The following INSYN2B variants were observed in gnomAD, a reference collection of about 807,000 sequenced individuals.
INSYN2B encodes the protein protein INSYN2B.
In INSYN2B, 16 loss-of-function variants were observed where a neutral mutation model predicts 41.2. The observed-to-expected ratio is 0.39, with a 90% CI of 0.26 to 0.59. The LOEUF (loss-of-function observed/expected upper bound fraction) is 0.59. INSYN2B is among the 20% of genes least tolerant of loss of function. The probability of loss-of-function intolerance (pLI) is 0.57; values close to 1 mark genes in which losing one functional copy is unlikely to be tolerated. For missense variants in INSYN2B, 608 were observed against 646.4 expected, an observed-to-expected ratio of 0.94 and a Z score of 0.64; for synonymous variants, 245 against 244.4, an observed-to-expected ratio of 1.00 and a Z score of -0.02.
At chr5:169,959,035 G>A (rs970218777) in intron 1 of INSYN2B, among the ~76,000 whole-genome samples, 32 of 152,158 alleles carry the variant, frequency 2.1e-4, no homozygotes, top group African/African-American at 7.7e-4. Flanking sequence ...GGACTGGGCA[G>A]AAACAACATA....
intron 3 of INSYN2B, among the ~76,000 whole-genome samples, chr5:169,872,301 A>C (rs1772029355): frequency 6.6e-6 from 1 of 152,214 alleles, no homozygotes; most frequent in South Asian, 2.1e-4. Flanking sequence ...CATTTGGATA[A>C]ATCATGACAC....
At chr5:169,943,824 T>TGG (rs1428474486) in intron 1 of INSYN2B, among the ~76,000 whole-genome samples, 1 of 152,208 alleles carries the variant, frequency 6.6e-6, no homozygotes, top group Admixed American at 6.5e-5. Flanking sequence ...AAGGTGACTC[T>TGG]GACGCTCATT....
chr5:169,883,796 G>T lies in INSYN2B; in HGVS notation c.103C>A (p.Gln35Lys). 6.4e-7 allele frequency: 1 copy of T among 1,551,600 alleles called. No individual in the cohort carries two copies. Residue 35 changes from glutamine (Q) to lysine (K), a missense_variant, in exon 2 of 4, where the codon CAG (glutamine) becomes AAG (lysine). Gln to Lys is a moderately conservative substitution (Grantham distance 53). Coordinates refer to ENST00000377365, the MANE Select transcript of INSYN2B (RefSeq NM_001129891.3). ...KQPHHRRSKS[Q>K]QVRFKEDGTT... Reference sequence around the variant, plus strand: ...CCATCTTCCTTGAATCTCACCTGCTGGGATTTGCTCCTGCGGTGGTGAGGT... The same window carrying T: ...CCATCTTCCTTGAATCTCACCTGCTTGGATTTGCTCCTGCGGTGGTGAGGT...
At chr5:169,886,404 T>G (rs901629794) in intron 1 of INSYN2B, among the ~76,000 whole-genome samples, 1 of 152,196 alleles carries the variant, frequency 6.6e-6, no homozygotes, top group African/African-American at 2.4e-5. Context: ...TGTGTAGGAC[T>G]TTTAGGTCTG....
chr5:169,880,994 G>C (rs1772609452), intron 3 of INSYN2B, among the ~76,000 whole-genome samples: 1 of 152,180 alleles, frequency 6.6e-6, no homozygotes, highest in Admixed American at 6.5e-5. Flanking sequence ...TCACAGGTTT[G>C]GGATTTGAAA....
rs569670256 is a variant in INSYN2B at position 169,943,723 on chromosome 5, T to C, written c.-919+36554A>G. 8.5e-4 allele frequency among the ~76,000 whole-genome samples: 130 copies of C among 152,254 alleles called. 2 individuals are homozygous for C. Among genetic ancestry groups the C allele is most frequent in the Non-Finnish European group, 2.9e-4 (20 of 68,018 alleles). On this transcript the variant is annotated intron_variant, in intron 1 of 3. Transcript: ENST00000377365. Reference sequence around the variant, plus strand: ...GGAATCAGCATCACCTGGGAGCTTGTTAGAAATGCACATTCTCAGGCCCTT... The same window carrying C: ...GGAATCAGCATCACCTGGGAGCTTGCTAGAAATGCACATTCTCAGGCCCTT...
intron 2 of INSYN2B, among the ~76,000 whole-genome samples, chr5:169,882,089 G>T (rs1016690831): frequency 5.3e-5 from 8 of 152,164 alleles, no homozygotes; most frequent in African/African-American, 1.9e-4. Context: ...CATCAAAGTA[G>T]TCAGTACAGG....
intron 1 of INSYN2B, among the ~76,000 whole-genome samples, chr5:169,928,130 C>A (rs1775565098): frequency 6.6e-6 from 1 of 152,200 alleles, no homozygotes; most frequent in South Asian, 2.1e-4. Context: ...GCCTTCCCAG[C>A]CAAACCCTTC....
chr5:169,953,426 G>A (rs1776747582), intron 1 of INSYN2B, among the ~76,000 whole-genome samples: 1 of 151,890 alleles, frequency 6.6e-6, no homozygotes, highest in Non-Finnish European at 1.5e-5. Flanking sequence ...TGAGAGTTAT[G>A]TGACTGTGGG....
In INSYN2B at chr5:169,911,912, C is replaced by T. The variant is rs560705496; in HGVS notation, c.-918-27096G>A. ...ACTGTCATCTTCACTACCAGAGTCT[C>T]ATGGGGCTATTAAATATCTTTCTGT... On this transcript the variant is annotated intron_variant, in intron 1 of 3. Coordinates refer to ENST00000377365, the MANE Select transcript of INSYN2B (RefSeq NM_001129891.3). Among the ~76,000 whole-genome samples the T allele has an allele frequency of 1.2e-4, 19 of 152,334 alleles. No homozygotes were observed. In the South Asian group the frequency reaches 3.9e-3, roughly 32 times the overall value.
chr5:169,978,063 A>G (rs1350452556), intron 1 of INSYN2B, among the ~76,000 whole-genome samples: 2 of 151,650 alleles, frequency 1.3e-5, no homozygotes, highest in South Asian at 2.1e-4. Context: ...ACTTTCCTTC[A>G]TCTCCTCTCA....
intron 1 of INSYN2B, among the ~76,000 whole-genome samples, chr5:169,953,772 G>A (rs1393419566): frequency 6.6e-6 from 1 of 152,192 alleles, no homozygotes; most frequent in Non-Finnish European, 1.5e-5. Context: ...TTCTCCTCGG[G>A]AGACACCTGG....
chr5:169,891,550 G>A (rs1773283264), intron 1 of INSYN2B, among the ~76,000 whole-genome samples: 1 of 152,068 alleles, frequency 6.6e-6, no homozygotes, highest in African/African-American at 2.4e-5. Flanking sequence ...ACAGAATAAA[G>A]TGGAGTTGTT....
chr5:169,940,961 G>A (rs1776219609), intron 1 of INSYN2B, among the ~76,000 whole-genome samples: 1 of 152,282 alleles, frequency 6.6e-6, no homozygotes, highest in East Asian at 1.9e-4. Flanking sequence ...TAGTGCCATG[G>A]CTGAGAGACC....
chr5:169,973,480 C>G (rs1367633479), intron 1 of INSYN2B, among the ~76,000 whole-genome samples: 1 of 152,182 alleles, frequency 6.6e-6, no homozygotes. Context: ...TTCATCCTCA[C>G]TACAGTCCTA....
intron 3 of INSYN2B, among the ~76,000 whole-genome samples, chr5:169,874,480 G>A (rs1455732790): frequency 6.6e-6 from 1 of 151,852 alleles, no homozygotes; most frequent in Non-Finnish European, 1.5e-5. Flanking sequence ...TGAGCGGGTG[G>A]TGGTGGCAGA....
At chr5:169,943,806 C>T (rs1410575147) in intron 1 of INSYN2B, among the ~76,000 whole-genome samples, 2 of 152,196 alleles carry the variant, frequency 1.3e-5, no homozygotes, top group African/African-American at 4.8e-5. Context: ...GTGTTTTAGC[C>T]AGCCCCCAAG....
At chr5:169,889,204 A>G (rs1773146862) in intron 1 of INSYN2B, among the ~76,000 whole-genome samples, 3 of 152,246 alleles carry the variant, frequency 2.0e-5, no homozygotes, top group Admixed American at 6.5e-5. Flanking sequence ...TGGAATAAAT[A>G]TTTGCATAAC....
chr5:169,941,080 C>T (rs919845578), intron 1 of INSYN2B, among the ~76,000 whole-genome samples: 20 of 152,322 alleles, frequency 1.3e-4, no homozygotes, highest in African/African-American at 4.3e-4. Flanking sequence ...CAGTCACCCA[C>T]GCTGAGTCTT....
Sources: gnomAD v4.1 joint callset for allele counts (sites outside exome capture counted in the v4.1 genomes callset) on GRCh38, gnomAD v4.1.1 for gene constraint, MANE v1.5 for transcripts, NCBI Gene and HGNC (gene_info 2026-07-23, HGNC 2026-07-21) for gene names.